The following SCHIP1 variants were observed in gnomAD, a reference collection of about 807,000 sequenced individuals.
SCHIP1 encodes the protein schwannomin-interacting protein 1.
SCHIP1 carries 8 observed loss-of-function variants against 29.7 expected under a neutral mutation model. The observed-to-expected ratio is 0.27, with a 90% CI of 0.16 to 0.49. SCHIP1 has a LOEUF of 0.49. Ranked by LOEUF, SCHIP1 falls within the 20% of genes least tolerant of loss-of-function variation. SCHIP1 has a pLI of 0.99. For missense variants in SCHIP1, 193 were observed against 294.6 expected (o/e 0.66, Z 2.52); for synonymous variants, 76 against 94.9 (o/e 0.80, Z 1.16).
At chr3:159,280,956 A>T in the SCHIP1 span, among the ~76,000 whole-genome samples, 2 of 152,202 alleles carry the variant, frequency 1.3e-5, no homozygotes, top group South Asian at 4.1e-4. Context: ...TAGAAAAGGG[A>T]TGATGGGAAG....
the SCHIP1 span, among the ~76,000 whole-genome samples, chr3:159,326,779 A>C: frequency 6.6e-6 from 1 of 152,150 alleles, no homozygotes; most frequent in East Asian, 1.9e-4. Context: ...TTGGCTAAGG[A>C]TAGATTTGCA....
At chr3:159,437,400 A>G in the SCHIP1 span, among the ~76,000 whole-genome samples, 1 of 152,018 alleles carries the variant, frequency 6.6e-6, no homozygotes, top group Non-Finnish European at 1.5e-5. Context: ...CTCACAACCA[A>G]GGATTTTTGA....
At chr3:159,770,496 T>C in the SCHIP1 span, among the ~76,000 whole-genome samples, 4 of 152,140 alleles carry the variant, frequency 2.6e-5, no homozygotes, top group African/African-American at 9.7e-5. Context: ...TGACCTCAGG[T>C]AATCCGCCCA....
the SCHIP1 span, among the ~76,000 whole-genome samples, chr3:159,650,921 T>G: frequency 2.6e-5 from 4 of 152,164 alleles, no homozygotes; most frequent in African/African-American, 7.2e-5. Flanking sequence ...AGCTTAGTAA[T>G]CAGAACTACC....
intron 1 of SCHIP1, chr3:159,853,589 G>C: frequency 2.1e-6 from 1 of 487,094 alleles, no homozygotes; most frequent in Non-Finnish European, 3.6e-6. Flanking sequence ...AAAACTAAAT[G>C]CACAGAATCA....
chr3:159,711,825 C>CAA, the SCHIP1 span, among the ~76,000 whole-genome samples: 1 of 152,194 alleles, frequency 6.6e-6, no homozygotes, highest in East Asian at 1.9e-4. Flanking sequence ...TGACAGGGAA[C>CAA]AATGAAGAAT....
At chr3:159,856,993 C>T (rs1054478614) in intron 1 of SCHIP1, among the ~76,000 whole-genome samples, 2 of 152,218 alleles carry the variant, frequency 1.3e-5, no homozygotes, top group Non-Finnish European at 2.9e-5. Flanking sequence ...GCTGAATACG[C>T]TTGAAGAACC....
chr3:159,455,178 G>T, the SCHIP1 span, among the ~76,000 whole-genome samples: 3 of 152,120 alleles, frequency 2.0e-5, no homozygotes, highest in African/African-American at 7.2e-5. Context: ...CTTGGGGAGG[G>T]CAATCACCTA....
chr3:159,769,932 A>G, the SCHIP1 span, among the ~76,000 whole-genome samples: 1 of 152,182 alleles, frequency 6.6e-6, no homozygotes, highest in Admixed American at 6.5e-5. Flanking sequence ...AGCATCCCCA[A>G]AAGTATCCTT....
the SCHIP1 span, among the ~76,000 whole-genome samples, chr3:159,388,372 A>G: frequency 2.0e-5 from 3 of 152,128 alleles, no homozygotes; most frequent in African/African-American, 4.8e-5. Context: ...ATTAAGAAAC[A>G]TGTAAAACCT....
At chr3:159,769,314 T>A in the SCHIP1 span, among the ~76,000 whole-genome samples, 29 of 152,172 alleles carry the variant, frequency 1.9e-4, no homozygotes, top group Non-Finnish European at 3.5e-4. Flanking sequence ...AGTGTACTCT[T>A]CCTCCTAAAT....
chr3:159,822,328 G>A, the SCHIP1 span, among the ~76,000 whole-genome samples: 1 of 152,034 alleles, frequency 6.6e-6, no homozygotes, highest in Non-Finnish European at 1.5e-5. Flanking sequence ...CACCCTGAGA[G>A]TACAGAATGG....
At chr3:159,696,042 G>A in the SCHIP1 span, among the ~76,000 whole-genome samples, 4 of 152,032 alleles carry the variant, frequency 2.6e-5, no homozygotes, top group African/African-American at 4.8e-5. Context: ...CATTGCTGCC[G>A]CCACTGGTAC....
At chr3:159,548,917 C>T in the SCHIP1 span, among the ~76,000 whole-genome samples, 20 of 152,160 alleles carry the variant, frequency 1.3e-4, no homozygotes, top group South Asian at 1.7e-3. Context: ...GAAAATGGAT[C>T]GTATTCTCCT....
chr3:159,572,326 GTTCT>G, the SCHIP1 span, among the ~76,000 whole-genome samples: 1,950 of 151,306 alleles, frequency 0.013, 48 homozygotes, highest in African/African-American at 0.045. Context: ...TTGTGTCTTT[GTTCT>G]CATTGGTTTC....
At chr3:159,562,225 T>TC in the SCHIP1 span, among the ~76,000 whole-genome samples, 1 of 152,232 alleles carries the variant, frequency 6.6e-6, no homozygotes, top group African/African-American at 2.4e-5. Context: ...TCCTCTGTTT[T>TC]CATCAACATA....
the SCHIP1 span, among the ~76,000 whole-genome samples, chr3:159,357,867 T>C: frequency 2.0e-5 from 3 of 152,230 alleles, no homozygotes; most frequent in Admixed American, 6.5e-5. Context: ...CTACAAGATA[T>C]GATGAACTGG....
the SCHIP1 span, among the ~76,000 whole-genome samples, chr3:159,311,434 G>A: frequency 6.6e-6 from 1 of 152,102 alleles, no homozygotes; most frequent in Admixed American, 6.6e-5. Flanking sequence ...GGTGTGATAT[G>A]TGATCCAGAT....
chr3:159,676,177 G>A, the SCHIP1 span, among the ~76,000 whole-genome samples: 6,982 of 152,186 alleles, frequency 0.046, 286 homozygotes, highest in African/African-American at 0.11. Context: ...TCAGATATGG[G>A]AGGGGTACTG....
Sources: allele counts gnomAD v4.1 joint callset (sites outside exome capture counted in the v4.1 genomes callset), GRCh38; gene constraint gnomAD v4.1.1; transcripts MANE v1.5; gene names NCBI Gene and HGNC (gene_info 2026-07-23, HGNC 2026-07-21).